WWOX: variants seen among roughly 807,000 people sequenced by gnomAD.
The protein encoded by WWOX is WW domain containing oxidoreductase.
Under a neutral mutation model 46.2 loss-of-function variants are expected in WWOX, and 69 were observed. The observed-to-expected ratio is 1.49, with a 90% CI of 1.23 to 1.82. The LOEUF (loss-of-function observed/expected upper bound fraction) is 1.82. WWOX is among the 40% of genes most tolerant of loss of function. The probability of loss-of-function intolerance (pLI) is 0.00; values close to 1 mark genes in which losing one functional copy is unlikely to be tolerated. For synonymous variants in WWOX, 359 were observed against 202.6 expected (o/e 1.77, Z -6.56); for missense variants, 919 against 542.6 (o/e 1.69, Z -6.89).
At chr16:78,237,768 A>C (rs539927463) in intron 5 of WWOX, 2 of 152,328 alleles carry the variant, frequency 1.3e-5, no homozygotes, top group East Asian at 3.9e-4. Flanking sequence ...TAAAGTTTTG[A>C]ATTTCATCAA....
chr16:78,385,950 G>A (rs1046395201), intron 5 of WWOX, among the ~76,000 whole-genome samples: 2 of 152,208 alleles, frequency 1.3e-5, no homozygotes, highest in African/African-American at 4.8e-5. Flanking sequence ...CAGAAGGCTA[G>A]TGGGAGGGGC....
intron 8 of WWOX, chr16:78,551,055 A>AAT (rs1295738312): frequency 1.3e-5 from 2 of 152,238 alleles, no homozygotes; most frequent in Non-Finnish European, 2.9e-5. Context: ...AAGTATCGTG[A>AAT]ATATATTCCA....
At chr16:78,152,129 G>A (rs1009506063) in intron 4 of WWOX, among the ~76,000 whole-genome samples, 8 of 151,676 alleles carry the variant, frequency 5.3e-5, no homozygotes, top group East Asian at 2.0e-4. Flanking sequence ...GGCGGAGCTT[G>A]AAGTGAGCCG....
chr16:79,203,496 T>G (rs1166508630), intron 8 of WWOX: 1 of 83,426 alleles, frequency 1.2e-5, no homozygotes, highest in Non-Finnish European at 2.5e-5. Context: ...AGACCTTGTG[T>G]TTTTTTTTTT....
Position 78,848,422 on chromosome 16 carries a change from A to G in WWOX, c.1057-363186A>G, listed in dbSNP as rs80046309. ...TAGACCAGCACCTCGAGAAAGAACC[A>G]CTGTTAAAATGTAAGGCTCTGAGTG... is the stretch of plus-strand genomic sequence containing the variant. On this transcript the variant is annotated intron_variant, in intron 8 of 8. Transcript: ENST00000566780. Among the ~76,000 whole-genome samples, 412 of 152,272 alleles carry G rather than the reference A, an allele frequency of 2.7e-3. 2 individuals carry two copies. Among genetic ancestry groups the G allele is most frequent in the African/African-American group, 9.4e-3 (392 of 41,540 alleles).
intron 8 of WWOX, among the ~76,000 whole-genome samples, chr16:78,566,319 C>T (rs1317366501): frequency 6.6e-6 from 1 of 152,158 alleles, no homozygotes; most frequent in African/African-American, 2.4e-5. Context: ...ACATTTAGTC[C>T]ATAACAACTA....
At chr16:78,834,091 C>T (rs142499747) in intron 8 of WWOX, among the ~76,000 whole-genome samples, 20 of 152,326 alleles carry the variant, frequency 1.3e-4, no homozygotes, top group Middle Eastern at 3.4e-3. Context: ...GTCCAGCTGT[C>T]GAACGTCTGG....
intron 8 of WWOX, among the ~76,000 whole-genome samples, chr16:78,733,107 G>A (rs924534560): frequency 2.0e-5 from 3 of 151,954 alleles, no homozygotes; most frequent in East Asian, 1.9e-4. Flanking sequence ...CATTTGCTCC[G>A]CTGTTACATC....
At chr16:79,119,715 C>T (rs1055693989) in intron 8 of WWOX, among the ~76,000 whole-genome samples, 3 of 152,206 alleles carry the variant, frequency 2.0e-5, no homozygotes, top group African/African-American at 4.8e-5. Context: ...CTGTACCCTT[C>T]TCTGAGAACT....
At chr16:78,592,012 C>G (rs1426427787) in intron 8 of WWOX, among the ~76,000 whole-genome samples, 1 of 152,166 alleles carries the variant, frequency 6.6e-6, no homozygotes, top group Non-Finnish European at 1.5e-5. Flanking sequence ...TTGATTATCC[C>G]TCAAGGTAAG....
chr16:78,273,822 G>T (rs2079528149), intron 5 of WWOX, among the ~76,000 whole-genome samples: 1 of 152,196 alleles, frequency 6.6e-6, no homozygotes, highest in Non-Finnish European at 1.5e-5. Context: ...ATTGTGTAGT[G>T]GAACCATCGC....
Position 78,345,458 on chromosome 16 carries a change from C to CAAAAAAAAAAAA in WWOX, c.517-41377_517-41366dup, listed in dbSNP as rs71137889. On this transcript the variant is annotated intron_variant, in intron 5 of 8. Coordinates refer to ENST00000566780, the MANE Select transcript of WWOX (RefSeq NM_016373.4). ...CACCATGGCAAAACCCCATCGCTAC[C>CAAAAAAAAAAAA]AAAAAAAAAAAAAAAAAAAAAAAAA... Among the ~76,000 whole-genome samples the CAAAAAAAAAAAA allele has an allele frequency of 1.4e-3, 38 of 26,776 alleles. 7 individuals are homozygous for CAAAAAAAAAAAA. The highest frequency in any genetic ancestry group is 1.8e-3 in the African/African-American group (21 of 11,862). The allele number at this position is 26,776 out of a possible 152,430, so 17.6% of individuals were successfully genotyped here.
intron 8 of WWOX, among the ~76,000 whole-genome samples, chr16:78,541,051 T>G (rs2043880119): frequency 6.6e-6 from 1 of 152,162 alleles, no homozygotes; most frequent in Non-Finnish European, 1.5e-5. Flanking sequence ...TACAATTAAT[T>G]TAGATTTTTT....
At position 78,700,412 on chromosome 16, in the gene WWOX, T is replaced by C. The variant is rs189076788; in HGVS notation, c.1056+267660T>C. Among the ~76,000 whole-genome samples the C allele has an allele frequency of 2.0e-5, 3 of 151,778 alleles. No homozygotes were observed. The East Asian group carries it at 5.9e-4, about 30-fold the overall frequency. On this transcript the variant is annotated intron_variant, in intron 8 of 8. Coordinates refer to ENST00000566780, the MANE Select transcript of WWOX (RefSeq NM_016373.4). ...CATGAGAACTCCACCTTTGTGACCTTATTACTTCTGAGAGGCCCTACCTCC... is the reference window on the plus strand; with the variant it reads ...CATGAGAACTCCACCTTTGTGACCTCATTACTTCTGAGAGGCCCTACCTCC...
intron 8 of WWOX, among the ~76,000 whole-genome samples, chr16:78,731,822 C>G (rs1268389232): frequency 6.6e-6 from 1 of 150,766 alleles, no homozygotes; most frequent in Non-Finnish European, 1.5e-5. Flanking sequence ...TAGCACTCCC[C>G]AATGCCAATT....
At chr16:78,500,675 C>T (rs2085039160) in intron 8 of WWOX, among the ~76,000 whole-genome samples, 1 of 152,168 alleles carries the variant, frequency 6.6e-6, no homozygotes, top group Non-Finnish European at 1.5e-5. Context: ...TTATTCCAAG[C>T]AGTCTTCCAG....
Position 78,517,487 on chromosome 16 carries a change from T to C in WWOX, c.1056+84735T>C, listed in dbSNP as rs182729234. Among the ~76,000 whole-genome samples, 529 of 152,342 alleles carry C rather than the reference T, an allele frequency of 3.5e-3. 2 individuals are homozygous for C. The highest frequency in any genetic ancestry group is 0.012 in the African/African-American group (513 of 41,582). ...CGCATATGTATTTATGGCTGTGTGA[T>C]ATCATTATGGCATCCTAATGAATGT... On this transcript the variant is annotated intron_variant, in intron 8 of 8. Coordinates refer to ENST00000566780, the MANE Select transcript of WWOX (RefSeq NM_016373.4).
intron 8 of WWOX, among the ~76,000 whole-genome samples, chr16:78,449,766 G>C (rs1038666928): frequency 1.3e-5 from 2 of 152,140 alleles, no homozygotes; most frequent in East Asian, 3.9e-4. Flanking sequence ...GTATCCTAAA[G>C]TCAAGTATTT....
At chr16:78,332,020 C>T (rs1008878760) in intron 5 of WWOX, among the ~76,000 whole-genome samples, 11 of 152,146 alleles carry the variant, frequency 7.2e-5, no homozygotes, top group Non-Finnish European at 1.6e-4. Context: ...AAGTTTGGAA[C>T]GCCATTTAGC....
Sources: allele counts gnomAD v4.1 joint callset (sites outside exome capture counted in the v4.1 genomes callset), GRCh38; gene constraint gnomAD v4.1.1; transcripts MANE v1.5; gene names NCBI Gene and HGNC (gene_info 2026-07-23, HGNC 2026-07-21).